The following RABGAP1L variants were observed in gnomAD, a reference collection of about 807,000 sequenced individuals.
The protein encoded by RABGAP1L is rab GTPase-activating protein 1-like.
Under a neutral mutation model 137.7 loss-of-function variants are expected in RABGAP1L, and 63 were observed. The observed-to-expected ratio is 0.46, with a 90% CI of 0.37 to 0.56. RABGAP1L has a LOEUF of 0.56. RABGAP1L is among the 20% of genes least tolerant of loss of function. RABGAP1L has a pLI of 0.00. For synonymous variants in RABGAP1L, 431 were observed against 433.7 expected (o/e 0.99, Z 0.08); for missense variants, 1,095 against 1,244.0 (o/e 0.88, Z 1.80).
intron 13 of RABGAP1L, among the ~76,000 whole-genome samples, chr1:174,611,083 G>T (rs367837213): frequency 2.6e-4 from 39 of 148,956 alleles, no homozygotes; most frequent in South Asian, 8.6e-4. Context: ...GTCAATTTTG[G>T]CTTTTGTTGC....
intron 1 of RABGAP1L, among the ~76,000 whole-genome samples, chr1:174,202,524 T>G (rs1668198022): frequency 6.6e-6 from 1 of 152,202 alleles, no homozygotes; most frequent in South Asian, 2.1e-4. Flanking sequence ...TAAATTTGTT[T>G]GAGTTCATTG....
intron 17 of RABGAP1L, among the ~76,000 whole-genome samples, chr1:174,727,868 T>C (rs1029846018): frequency 6.6e-6 from 1 of 152,204 alleles, no homozygotes; most frequent in African/African-American, 2.4e-5. Flanking sequence ...CAAAATCTGA[T>C]TTTCTTTTTT....
chr1:174,737,281 G>A (rs763198043), intron 17 of RABGAP1L, among the ~76,000 whole-genome samples: 21 of 152,130 alleles, frequency 1.4e-4, no homozygotes, highest in Non-Finnish European at 2.9e-4. Flanking sequence ...TTGCTGCTTA[G>A]AAAATTTTTC....
At chr1:174,328,955 A>G (rs1463108937) in intron 11 of RABGAP1L, among the ~76,000 whole-genome samples, 1 of 151,936 alleles carries the variant, frequency 6.6e-6, no homozygotes, top group Non-Finnish European at 1.5e-5. Flanking sequence ...AACACGTCTC[A>G]AGGAACTAGG....
At chr1:174,709,196 C>T (rs1313879233) in intron 17 of RABGAP1L, among the ~76,000 whole-genome samples, 2 of 152,194 alleles carry the variant, frequency 1.3e-5, no homozygotes, top group African/African-American at 4.8e-5. Context: ...AGATAAAACT[C>T]CCATCTCCCT....
chr1:174,797,959 G>A (rs774008227), intron 18 of RABGAP1L, among the ~76,000 whole-genome samples: 8 of 151,780 alleles, frequency 5.3e-5, no homozygotes, highest in Non-Finnish European at 8.8e-5. Flanking sequence ...TGTTTTTAGA[G>A]ATGGGGTTCC....
chr1:174,911,485 A>AT (rs1660049237), intron 19 of RABGAP1L, among the ~76,000 whole-genome samples: 1 of 152,138 alleles, frequency 6.6e-6, no homozygotes, highest in Non-Finnish European at 1.5e-5. Flanking sequence ...ATATTTTGGG[A>AT]TTTTTCACTA....
chr1:174,974,686 C>G (rs898534933), intron 21 of RABGAP1L, among the ~76,000 whole-genome samples: 4 of 152,184 alleles, frequency 2.6e-5, no homozygotes, highest in African/African-American at 9.7e-5. Flanking sequence ...TTCAAATGAT[C>G]TGCAAACAAA....
At chr1:174,698,007 T>C (rs1481371409) in intron 15 of RABGAP1L, among the ~76,000 whole-genome samples, 4 of 152,196 alleles carry the variant, frequency 2.6e-5, no homozygotes, top group Non-Finnish European at 4.4e-5. Context: ...AATTAGAAAA[T>C]AGAAGTGGCT....
intron 13 of RABGAP1L, among the ~76,000 whole-genome samples, chr1:174,539,132 G>A (rs1180905894): frequency 6.6e-6 from 1 of 151,818 alleles, no homozygotes; most frequent in Non-Finnish European, 1.5e-5. Flanking sequence ...ACCTAATACT[G>A]GCCCATAGTA....
chr1:174,782,775 G>A (rs374696660), intron 18 of RABGAP1L, among the ~76,000 whole-genome samples: 1 of 151,982 alleles, frequency 6.6e-6, no homozygotes. Flanking sequence ...TTTAAACACG[G>A]GGCTTGTAAC....
At chr1:174,510,827 CAT>C (rs1662267911) in intron 13 of RABGAP1L, among the ~76,000 whole-genome samples, 1 of 152,156 alleles carries the variant, frequency 6.6e-6, no homozygotes, top group Admixed American at 6.5e-5. Flanking sequence ...TAATTACAGA[CAT>C]ATTTATCCTA....
At chr1:174,815,191 G>A (rs1690269016) in intron 19 of RABGAP1L, among the ~76,000 whole-genome samples, 1 of 152,138 alleles carries the variant, frequency 6.6e-6, no homozygotes, top group Non-Finnish European at 1.5e-5. Context: ...TGTAGATGAC[G>A]AGGTGTTACA....
chr1:174,641,535 C>G (rs1050100422), intron 14 of RABGAP1L, among the ~76,000 whole-genome samples: 2 of 152,076 alleles, frequency 1.3e-5, no homozygotes, highest in African/African-American at 4.8e-5. Context: ...CCCTGTCTTT[C>G]CTATTGGTTA....
intron 14 of RABGAP1L, among the ~76,000 whole-genome samples, chr1:174,655,798 A>G (rs1675925693): frequency 6.6e-6 from 1 of 152,106 alleles, no homozygotes; most frequent in Admixed American, 6.5e-5. Flanking sequence ...TTGTCCCCAT[A>G]TTGTCCAGTG....
intron 13 of RABGAP1L, among the ~76,000 whole-genome samples, chr1:174,503,794 A>G (rs1283662641): frequency 6.6e-6 from 1 of 152,088 alleles, no homozygotes; most frequent in Non-Finnish European, 1.5e-5. Flanking sequence ...TCAGGAATAA[A>G]TTTTACCAAG....
chr1:174,701,291 C>T, intron 16 of RABGAP1L: 1 of 1,103,326 alleles, frequency 9.1e-7, no homozygotes, highest in Non-Finnish European at 1.1e-6. Context: ...TGCATAATTT[C>T]TTTGCTTTGC....
intron 13 of RABGAP1L, among the ~76,000 whole-genome samples, chr1:174,624,264 CT>C (rs1178218815): frequency 3.9e-5 from 6 of 152,184 alleles, no homozygotes; most frequent in Non-Finnish European, 7.3e-5. Flanking sequence ...TGGAAGGCCA[CT>C]TTCACCACTT....
Position 174,590,352 on chromosome 1 carries a change from A to AT in RABGAP1L, c.1711-47013dup, listed in dbSNP as rs755901559. Among the ~76,000 whole-genome samples the AT allele has an allele frequency of 5.5e-3, 456 of 83,150 alleles. 3 individuals are homozygous for AT. The highest frequency in any genetic ancestry group is 0.011 in the Admixed American group (80 of 7,364). 54.5% of individuals were successfully genotyped at this position (83,150 alleles called of 152,430 possible). A position where few individuals can be genotyped will look rare whatever the true frequency, so the allele number is the denominator to read the frequency against. ...TTTTTTTTTCTTTTTTTTTTTATTT[A>AT]TTTTTTTTTTATTATACTCTAAGTT... On this transcript the variant is annotated intron_variant, in intron 13 of 25. Transcript: ENST00000681986.
Sources: allele counts gnomAD v4.1 joint callset (sites outside exome capture counted in the v4.1 genomes callset), GRCh38; gene constraint gnomAD v4.1.1; transcripts MANE v1.5; gene names NCBI Gene and HGNC (gene_info 2026-07-23, HGNC 2026-07-21).